The following PCDHA8 variants were observed in gnomAD, a reference collection of about 807,000 sequenced individuals.
PCDHA8 encodes protocadherin alpha 8.
PCDHA8 carries 53 observed loss-of-function variants against 61.8 expected under a neutral mutation model. The ratio of observed to expected loss-of-function variants is 0.86; its 90% CI spans 0.69 to 1.08. The LOEUF (loss-of-function observed/expected upper bound fraction) is 1.08, where lower values mean the gene tolerates loss of function less well. Among genes scored for constraint, PCDHA8 ranks in the 50% least tolerant of loss-of-function variants. The pLI, the probability that PCDHA8 is intolerant of heterozygous loss-of-function variation, is 0.00. For missense variants in PCDHA8, 1,293 were observed against 1,245.0 expected (o/e 1.04, Z -0.58); for synonymous variants, 618 against 556.6 (o/e 1.11, Z -1.55).
chr5:140,851,644 C>A, intron 1 of PCDHA8: 1 of 913,486 alleles, frequency 1.1e-6, no homozygotes, highest in Non-Finnish European at 1.3e-6. Flanking sequence ...TTCCTTTCTT[C>A]AAGAAGACAT....
chr5:140,917,260 G>A (rs2077984179), intron 1 of PCDHA8, among the ~76,000 whole-genome samples: 2 of 143,736 alleles, frequency 1.4e-5, no homozygotes, highest in South Asian at 4.4e-4. Flanking sequence ...CTCACCTGAT[G>A]TTTGGTTTTT....
At chr5:140,883,144 A>C (rs782107481) in intron 1 of PCDHA8, 4 of 1,614,086 alleles carry the variant, frequency 2.5e-6, no homozygotes, top group Non-Finnish European at 3.4e-6. Context: ...TGGTATATGC[A>C]TTTACCATAA....
At chr5:140,982,679 C>A in intron 3 of PCDHA8, 116 bp downstream of exon 3, 2 of 1,436,546 alleles carry the variant, frequency 1.4e-6, no homozygotes, top group Non-Finnish European at 9.2e-7. Flanking sequence ...TTGTTATTCC[C>A]TTTTTTCCAT....
intron 1 of PCDHA8, chr5:140,857,244 CCTA>C (rs782212916): frequency 6.3e-7 from 1 of 1,598,476 alleles, no homozygotes; most frequent in East Asian, 2.2e-5. Flanking sequence ...CTGGTGTCCA[CCTA>C]CAAGAATTAC....
chr5:140,870,409 G>T, intron 1 of PCDHA8: 1 of 1,614,226 alleles, frequency 6.2e-7, no homozygotes, highest in South Asian at 1.1e-5. Context: ...TTCTCTGTGG[G>T]CCACGGCCAG....
At chr5:140,845,107 C>T (rs1420580197) in intron 1 of PCDHA8, among the ~76,000 whole-genome samples, 2 of 149,448 alleles carry the variant, frequency 1.3e-5, no homozygotes, top group East Asian at 1.9e-4. Flanking sequence ...CTCTTAATGC[C>T]TGTCCATGTT....
intron 1 of PCDHA8, among the ~76,000 whole-genome samples, chr5:140,938,453 G>A (rs558258483): frequency 6.6e-6 from 1 of 151,990 alleles, no homozygotes; most frequent in African/African-American, 2.4e-5. Context: ...AGTTCCCTTT[G>A]TTTTTTAATT....
In PCDHA8 at chr5:140,876,738, G is replaced by A. The variant is rs782179304; in HGVS notation, c.2394+33023G>A. 3.1e-6 allele frequency: 5 copies of A among 1,614,264 alleles called. No individual in the cohort carries two copies. In the Admixed American group the frequency reaches 5.0e-5, roughly 16 times the overall value. ...ACCGCGAGAGCGTGTCGGCCTATGA[G>A]CTGGTGGTGACTGCGCGGGATGGGG... On this transcript the variant is annotated intron_variant, in intron 1 of 3. Coordinates refer to ENST00000531613, the MANE Select transcript of PCDHA8 (RefSeq NM_018911.3).
At chr5:140,920,749 C>T (rs145619239) in intron 1 of PCDHA8, among the ~76,000 whole-genome samples, 2 of 151,424 alleles carry the variant, frequency 1.3e-5, no homozygotes, top group Non-Finnish European at 2.9e-5. Context: ...GAGGCTGAGG[C>T]AGGAGAATTG....
intron 1 of PCDHA8, among the ~76,000 whole-genome samples, chr5:140,898,901 T>C (rs1196685970): frequency 7.9e-5 from 12 of 152,172 alleles, no homozygotes; most frequent in Admixed American, 7.9e-4. Context: ...GAAGAGGTCC[T>C]TCACGTCCCT....
intron 1 of PCDHA8, among the ~76,000 whole-genome samples, chr5:140,915,441 A>G (rs2077120331): frequency 6.6e-6 from 1 of 152,052 alleles, no homozygotes; most frequent in African/African-American, 2.4e-5. Context: ...GTCCTTCTTG[A>G]GAAGGTTTTC....
In PCDHA8 at chr5:141,009,679, C is replaced by T; in HGVS notation, c.2595C>T (p.Asn865=). 1.2e-6 allele frequency: 2 copies of T among 1,614,116 alleles called. No individual in the cohort carries two copies. The highest frequency in any genetic ancestry group is 8.5e-7 in the Non-Finnish European group (1 of 1,180,026). The part of the protein sequence containing the change: ...SPPVGAGVNS[N]SWTFKYGPGN... ...CAGTCGGTGCGGGTGTCAACAGCAA[C>T]AGCTGGACCTTTAAATACGGACCAG... The change falls in exon 4 of 4, where the codon AAC becomes AAT. Residue 865 remains asparagine (N), a synonymous_variant. Coordinates refer to ENST00000531613, the MANE Select transcript of PCDHA8 (RefSeq NM_018911.3).
rs191125107 is a variant in PCDHA8 at position 140,991,229 on chromosome 5, G to A, written c.2542+8666G>A. 1.4e-3 allele frequency among the ~76,000 whole-genome samples: 211 copies of A among 152,246 alleles called. 1 individual carries two copies. The highest frequency in any genetic ancestry group is 4.8e-3 in the African/African-American group (201 of 41,560). On this transcript the variant is annotated intron_variant, in intron 3 of 3. Coordinates refer to ENST00000531613, the MANE Select transcript of PCDHA8 (RefSeq NM_018911.3). ...AATTTTGTTAAATTCATTAATAAAT[G>A]CAGTGGTAAAGGCAGTATTTGAACT... is the stretch of plus-strand genomic sequence containing the variant.
intron 1 of PCDHA8, among the ~76,000 whole-genome samples, chr5:140,844,931 A>C (rs1262967576): frequency 6.7e-6 from 1 of 149,362 alleles, no homozygotes; most frequent in Non-Finnish European, 1.5e-5. Flanking sequence ...GAAGGGAATG[A>C]ACGATTTCTG....
intron 1 of PCDHA8, chr5:140,870,860 C>G: frequency 6.2e-7 from 1 of 1,613,882 alleles, no homozygotes; most frequent in East Asian, 2.2e-5. Context: ...TCGGTGGGTG[C>G]GGGCCACGTG....
Position 141,000,393 on chromosome 5 carries a change from CTCTATA to C in PCDHA8, c.2543-9232_2543-9227del, listed in dbSNP as rs1213195269. 6.1e-3 allele frequency among the ~76,000 whole-genome samples: 322 copies of C among 52,630 alleles called. 2 individuals are homozygous for C. Among genetic ancestry groups the C allele is most frequent in the Admixed American group, 0.01 (36 of 3,506 alleles). 34.5% of individuals were successfully genotyped at this position (52,630 alleles called of 152,430 possible). A position where few individuals can be genotyped will look rare whatever the true frequency, so the allele number is the denominator to read the frequency against. ...TCTCTCTCTCTCTCTCTCTCTCTCT[CTCTATA>C]TATATATATATATATATATATATTT... On this transcript the variant is annotated intron_variant, in intron 3 of 3. Transcript: ENST00000531613.
rs1310704954 is a variant in PCDHA8, at chr5:141,010,062, A to C, written c.*125A>C. 1.2e-6 allele frequency: 2 copies of C among 1,602,540 alleles called. No homozygotes were observed. The highest frequency in any genetic ancestry group is 1.7e-6 in the Non-Finnish European group (2 of 1,174,354). Reference sequence around the variant, plus strand: ...CCTCTTAGAGACCTCAGAAATCTGCAGAAAGTTCCCTGTGTCTGTCTAGAA... The same window carrying C: ...CCTCTTAGAGACCTCAGAAATCTGCCGAAAGTTCCCTGTGTCTGTCTAGAA... On this transcript the variant is annotated 3_prime_UTR_variant, in exon 4 of 4. Transcript: ENST00000531613.
Position 140,842,799 on chromosome 5 carries a change from C to A in PCDHA8, c.1478C>A (p.Ser493Ter). 1 of 1,594,426 alleles carries A rather than the reference C, an allele frequency of 6.3e-7. No homozygotes were observed. The highest frequency in any genetic ancestry group is 8.6e-7 in the Non-Finnish European group (1 of 1,165,448). The change falls in exon 1 of 4, where the codon TCG becomes TAG. Residue 493 changes from serine to a stop codon, truncating the protein, a stop_gained. Transcript: ENST00000531613. LOFTEE classifies it high-confidence loss of function. ...CAGGAGAACGCGCTGGTGTCCTACT[C>A]GCTTGTGGAGCGGCGGGTGGGCGAG... is the stretch of plus-strand genomic sequence containing the variant. ...DAQENALVSY[S>*]LVERRVGERS...
intron 1 of PCDHA8, among the ~76,000 whole-genome samples, chr5:140,908,808 A>C (rs781863210): frequency 6.6e-6 from 1 of 152,068 alleles, no homozygotes; most frequent in Non-Finnish European, 1.5e-5. Flanking sequence ...AAAAAGTGAG[A>C]GCCTTTTGGG....
Sources: gnomAD v4.1 joint callset for allele counts (sites outside exome capture counted in the v4.1 genomes callset) on GRCh38, gnomAD v4.1.1 for gene constraint, MANE v1.5 for transcripts, NCBI Gene and HGNC (gene_info 2026-07-23, HGNC 2026-07-21) for gene names.